SATB2: variants seen among roughly 807,000 people sequenced by gnomAD.
SATB2 encodes DNA-binding protein SATB2.
SATB2 carries 1 observed loss-of-function variant against 73.4 expected under a neutral mutation model. The observed-to-expected ratio is 0.01, with a 90% CI of 0.00 to 0.06. The LOEUF is 0.06. Among genes scored for constraint, SATB2 ranks in the 10% least tolerant of loss-of-function variants. The probability of loss-of-function intolerance (pLI) is 1.00; values close to 1 mark genes in which losing one functional copy is unlikely to be tolerated. For missense variants in SATB2, 459 were observed against 945.8 expected, an observed-to-expected ratio of 0.49 and a Z score of 6.75; for synonymous variants, 397 against 367.0, an observed-to-expected ratio of 1.08 and a Z score of -0.93.
chr2:199,460,830 A>C (rs532393849), upstream of SATB2, among the ~76,000 whole-genome samples: 1 of 152,372 alleles, frequency 6.6e-6, no homozygotes, highest in Non-Finnish European at 1.5e-5. The surrounding 1 kb of genome is among the most constrained non-coding windows in gnomAD (Gnocchi z 4.0). Context: ...TATGTTTTGA[A>C]GGGAACTATT....
intron 5 of SATB2, among the ~76,000 whole-genome samples, chr2:199,373,432 C>T (rs566943344): frequency 6.6e-6 from 1 of 152,174 alleles, no homozygotes. Context: ...TCTGTCCCCA[C>T]TTCTGAGCTA....
intron 6 of SATB2, among the ~76,000 whole-genome samples, chr2:199,359,975 T>C (rs1689090309): frequency 6.6e-6 from 1 of 152,208 alleles, no homozygotes; most frequent in African/African-American, 2.4e-5. Context: ...GGCAAATAGT[T>C]AAATAACTGT....
intron 8 of SATB2, chr2:199,326,025 A>G (rs898206941): frequency 6.6e-6 from 1 of 152,122 alleles, no homozygotes; most frequent in Non-Finnish European, 1.5e-5. Flanking sequence ...GGGTCTGGAA[A>G]ATAATCTCCC....
At chr2:199,462,892 G>A (rs1034154697), upstream of SATB2, among the ~76,000 whole-genome samples, 1 of 152,196 alleles carries the variant, frequency 6.6e-6, no homozygotes, top group African/African-American at 2.4e-5. The surrounding 1 kb of genome is among the most constrained non-coding windows in gnomAD (Gnocchi z 5.9). Context: ...TTCAGGAGCC[G>A]GGTGGGCGGG....
chr2:199,339,493 G>A (rs1688440227), intron 7 of SATB2, among the ~76,000 whole-genome samples: 1 of 152,072 alleles, frequency 6.6e-6, no homozygotes, highest in Admixed American at 6.6e-5. Context: ...CTCAATAACG[G>A]GTTCATGCTT....
At chr2:199,349,302 A>G in intron 6 of SATB2, 129 bp from the exon 7 acceptor site, 1 of 722,824 alleles carries the variant, frequency 1.4e-6, no homozygotes, top group Non-Finnish European at 2.3e-6. Flanking sequence ...ACAACGATGG[A>G]AGCTCCAGCA....
rs187223224 is a variant in SATB2, at chr2:199,448,802, G to T, written c.169+7067C>A. On this transcript the variant is annotated intron_variant, in intron 2 of 10. Coordinates refer to ENST00000417098, the MANE Select transcript of SATB2 (RefSeq NM_001172509.2). ...TTGCAGTGCCTCCCCTTAATTTTTTGATCTTTTTTGTTATTTTACAGTTTA... is the reference window on the plus strand; with the variant it reads ...TTGCAGTGCCTCCCCTTAATTTTTTTATCTTTTTTGTTATTTTACAGTTTA... Among the ~76,000 whole-genome samples, 48 of 152,110 alleles carry T rather than the reference G, an allele frequency of 3.2e-4. No individual in the cohort carries two copies. The East Asian group carries it at 8.7e-3, about 28-fold the overall frequency.
chr2:199,295,333 C>A (rs1179653519), intron 10 of SATB2, among the ~76,000 whole-genome samples: 1 of 151,646 alleles, frequency 6.6e-6, no homozygotes, highest in East Asian at 1.9e-4. Flanking sequence ...AAATAATACA[C>A]GGATGGCCAA....
chr2:199,414,199 C>T (rs1690906654), intron 3 of SATB2, among the ~76,000 whole-genome samples: 2 of 152,186 alleles, frequency 1.3e-5, no homozygotes, highest in Admixed American at 6.5e-5. Flanking sequence ...TTCTCTCTGC[C>T]CATCAAAATC....
At chr2:199,449,172 C>T (rs1692052708) in intron 2 of SATB2, among the ~76,000 whole-genome samples, 3 of 152,122 alleles carry the variant, frequency 2.0e-5, no homozygotes, top group Non-Finnish European at 4.4e-5. Flanking sequence ...AAAAAAAATG[C>T]ATGCCATAAA....
chr2:199,389,844 C>T (rs1225568925), intron 3 of SATB2, among the ~76,000 whole-genome samples: 2 of 151,928 alleles, frequency 1.3e-5, no homozygotes, highest in East Asian at 3.9e-4. Context: ...CTGTCTGTCA[C>T]ACTTTTTTTT....
upstream of SATB2, chr2:199,458,458 C>A: frequency 2.5e-6 from 1 of 394,120 alleles, no homozygotes; most frequent in Admixed American, 2.9e-5. Flanking sequence ...CCGAGTGCGG[C>A]GCGAGGCGGT....
At chr2:199,291,249 C>T (rs13416486) in intron 10 of SATB2, among the ~76,000 whole-genome samples, 8,070 of 152,218 alleles carry the variant, frequency 0.053, 728 homozygotes, top group African/African-American at 0.18. Flanking sequence ...AGTTCCAACA[C>T]CACATATTCC....
intron 2 of SATB2, among the ~76,000 whole-genome samples, chr2:199,436,434 C>A (rs72931396): frequency 0.38 from 56,795 of 148,116 alleles, 11,842 homozygotes; most frequent in Non-Finnish European, 0.47. Flanking sequence ...TAAAAAAAAA[C>A]AAAACAAAAC....
intron 2 of SATB2, among the ~76,000 whole-genome samples, chr2:199,446,742 T>C (rs916342779): frequency 7.9e-5 from 12 of 152,176 alleles, no homozygotes; most frequent in Non-Finnish European, 1.5e-4. Flanking sequence ...ATGGATTAAA[T>C]AACTTTTTTA....
chr2:199,459,763 A>C (rs540315058), upstream of SATB2: 34 of 152,748 alleles, frequency 2.2e-4, no homozygotes, highest in Admixed American at 2.0e-3. This position sits in a 1 kb window ranked among gnomAD's most constrained non-coding sequence, Gnocchi z 4.2. Flanking sequence ...CGCTCTCGGG[A>C]GCAGTTCTGT....
In SATB2 at chr2:199,455,730, G is replaced by A. The variant is rs573489904; in HGVS notation, c.169+139C>T. 1.7e-5 allele frequency: 16 copies of A among 934,778 alleles called. No individual in the cohort carries two copies. In the South Asian group the frequency reaches 1.8e-4, roughly 11 times the overall value. The allele number at this position is 934,778 out of a possible 1,614,324, so 57.9% of individuals were successfully genotyped here. A position where few individuals can be genotyped will look rare whatever the true frequency, so the allele number is the denominator to read the frequency against. On this transcript the variant is annotated intron_variant, in intron 2 of 10. Transcript: ENST00000417098. This position sits in a 1 kb window ranked among gnomAD's most constrained non-coding sequence, Gnocchi z 4.1. ...AAGCTACCAGTTGCAGATGAGAGGCGACGGGGGCATTATTTGGCAACCTGG... is the reference window on the plus strand; with the variant it reads ...AAGCTACCAGTTGCAGATGAGAGGCAACGGGGGCATTATTTGGCAACCTGG...
At chr2:199,471,266 T>C (rs1047185956) in exon 1 of SATB2, 1 of 152,456 alleles carries the variant, frequency 6.6e-6, no homozygotes, top group Non-Finnish European at 1.5e-5. Context: ...TAAGCGCCTC[T>C]GAACTCGGGG....
chr2:199,283,971 G>C (rs1363789946), intron 10 of SATB2, among the ~76,000 whole-genome samples: 1 of 152,158 alleles, frequency 6.6e-6, no homozygotes, highest in Non-Finnish European at 1.5e-5. Flanking sequence ...AATTTGACTT[G>C]AAAGAACAAC....
Sources: allele counts gnomAD v4.1 joint callset (sites outside exome capture counted in the v4.1 genomes callset), GRCh38; gene constraint gnomAD v4.1.1; non-coding constraint Gnocchi (gnomAD v3.1); transcripts MANE v1.5; gene names NCBI Gene and HGNC (gene_info 2026-07-23, HGNC 2026-07-21).